LRP12: variants seen among roughly 807,000 people sequenced by gnomAD.
The protein encoded by LRP12 is LDL receptor related protein 12, also known as low-density lipoprotein receptor-related protein 12.
Under a neutral mutation model 66.0 loss-of-function variants are expected in LRP12, and 14 were observed. That is an observed-to-expected ratio of 0.21 (90% CI 0.14 to 0.33). The LOEUF (loss-of-function observed/expected upper bound fraction) is 0.33. Ranked by LOEUF, LRP12 falls within the 10% of genes least tolerant of loss-of-function variation. The pLI is 1.00. For missense variants in LRP12, 889 were observed against 1,053.4 expected, an observed-to-expected ratio of 0.84 and a Z score of 2.16; for synonymous variants, 357 against 359.1, an observed-to-expected ratio of 0.99 and a Z score of 0.07.
chr8:104,527,782 T>A (rs933295274), intron 2 of LRP12, among the ~76,000 whole-genome samples: 8 of 152,042 alleles, frequency 5.3e-5, no homozygotes, highest in African/African-American at 9.7e-5. Flanking sequence ...TGTATACATA[T>A]GTAACTAACC....
intron 2 of LRP12, among the ~76,000 whole-genome samples, chr8:104,516,959 G>A (rs1013873171): frequency 6.6e-6 from 1 of 151,852 alleles, no homozygotes; most frequent in Admixed American, 6.6e-5. Flanking sequence ...ATGACAAAAA[G>A]TAGTTGAGAC....
At chr8:104,560,005 A>G (rs1811879433) in intron 1 of LRP12, among the ~76,000 whole-genome samples, 1 of 152,218 alleles carries the variant, frequency 6.6e-6, no homozygotes, top group South Asian at 2.1e-4. Flanking sequence ...CAGATAAGTA[A>G]ATAACTTGCT....
intron 1 of LRP12, among the ~76,000 whole-genome samples, chr8:104,587,205 T>C (rs998234792): frequency 1.3e-5 from 2 of 152,206 alleles, no homozygotes; most frequent in Non-Finnish European, 2.9e-5. Flanking sequence ...ATGCTTATTA[T>C]AGTAGAGGAC....
chr8:104,573,598 A>C (rs2140895818), intron 1 of LRP12, among the ~76,000 whole-genome samples: 1 of 152,278 alleles, frequency 6.6e-6, no homozygotes. Flanking sequence ...GGCATTTATT[A>C]GTACAAAATT....
intron 1 of LRP12, among the ~76,000 whole-genome samples, chr8:104,576,663 G>A (rs1375037994): frequency 3.9e-5 from 6 of 152,152 alleles, no homozygotes; most frequent in Admixed American, 6.5e-5. Flanking sequence ...GCACACTGAA[G>A]TATACAGACC....
chr8:104,491,591 A>AT, intron 6 of LRP12, 52 bp from the exon 7 acceptor site: 1 of 690,596 alleles, frequency 1.4e-6, no homozygotes, highest in Non-Finnish European at 1.8e-6. Context: ...GTACTAAGAT[A>AT]AAAAAAAAAA....
chr8:104,568,858 G>C lies in LRP12; in HGVS notation c.79+19961C>G, dbSNP rs575395240. Among the ~76,000 whole-genome samples the C allele has an allele frequency of 4.6e-5, 7 of 152,240 alleles. No individual in the cohort carries two copies. In the South Asian group the frequency reaches 1.0e-3, roughly 23 times the overall value. Reference sequence around the variant, plus strand: ...TAAAATAGTGCTGCCCTTTGGAAAAGAGTTTGGAGTTCCTCAAAAAGGTAA... The same window carrying C: ...TAAAATAGTGCTGCCCTTTGGAAAACAGTTTGGAGTTCCTCAAAAAGGTAA... On this transcript the variant is annotated intron_variant, in intron 1 of 6. Coordinates refer to ENST00000276654, the MANE Select transcript of LRP12 (RefSeq NM_013437.5).
intron 2 of LRP12, among the ~76,000 whole-genome samples, chr8:104,528,503 G>T (rs1448004090): frequency 6.6e-6 from 1 of 152,172 alleles, no homozygotes; most frequent in East Asian, 1.9e-4. Flanking sequence ...GGCCGGGCAC[G>T]GTGGCTCATG....
At chr8:104,514,545 T>TAAAAAAAAAAAAAAAAAAAAAAAAA in intron 2 of LRP12, among the ~76,000 whole-genome samples, 1 of 128,754 alleles carries the variant, frequency 7.8e-6, no homozygotes, top group Admixed American at 8.0e-5. Context: ...CGTCTCTACT[T>TAAAAAAAAAAAAAAAAAAAAAAAAA]AAAAAAAAAA....
At chr8:104,525,191 T>C (rs952127227) in intron 2 of LRP12, among the ~76,000 whole-genome samples, 7 of 152,140 alleles carry the variant, frequency 4.6e-5, no homozygotes, top group Non-Finnish European at 4.4e-5. Flanking sequence ...CATTTGTCTT[T>C]TCTCCTTTCT....
intron 1 of LRP12, among the ~76,000 whole-genome samples, chr8:104,574,723 C>T (rs951043173): frequency 1.3e-5 from 2 of 152,158 alleles, no homozygotes; most frequent in Non-Finnish European, 2.9e-5. Flanking sequence ...TAATGTAGAG[C>T]TTCTCATTAA....
At chr8:104,558,482 A>C (rs1811849350) in intron 1 of LRP12, among the ~76,000 whole-genome samples, 1 of 152,228 alleles carries the variant, frequency 6.6e-6, no homozygotes, top group South Asian at 2.1e-4. Context: ...CTTAAATCTA[A>C]GACCTGAAAC....
chr8:104,498,135 AAG>A, intron 4 of LRP12, 59 bp from the exon 5 acceptor site: 1 of 1,442,388 alleles, frequency 6.9e-7, no homozygotes, highest in Non-Finnish European at 9.3e-7. Flanking sequence ...TAATCTTTAA[AAG>A]ACATAAAACA....
In LRP12 at chr8:104,491,487, G is replaced by A; in HGVS notation, c.1766C>T (p.Thr589Ile). ...RLAVRSQLGF[T>I]SVRLPMAGRS... The stretch of plus-strand genomic sequence containing the variant: ...GCCTGCCATAGGAAGCCTGACTGAA[G>A]TAAATCCAAGCTGAGATCGTACCGC... Residue 589 changes from threonine to isoleucine, a missense_variant, in exon 7 of 7, where the codon ACT becomes ATT. Around this residue, in one of 3 missense-constraint regions of LRP12, gnomAD observed 800 missense variants for 964.5 expected, o/e 0.83. Transcript: ENST00000276654. The A allele has an allele frequency of 6.2e-7, 1 of 1,613,014 alleles. No individual in the cohort carries two copies. Among genetic ancestry groups the A allele is most frequent in the Non-Finnish European group, 8.5e-7 (1 of 1,179,758 alleles).
intron 1 of LRP12, among the ~76,000 whole-genome samples, chr8:104,576,076 G>A (rs753508436): frequency 6.6e-6 from 1 of 152,088 alleles, no homozygotes; most frequent in Non-Finnish European, 1.5e-5. Flanking sequence ...ACAGAAAAAA[G>A]AATGAATAGG....
At chr8:104,530,197 G>C (rs943775963) in intron 2 of LRP12, among the ~76,000 whole-genome samples, 1 of 151,978 alleles carries the variant, frequency 6.6e-6, no homozygotes, top group Non-Finnish European at 1.5e-5. Context: ...TTCTAACATA[G>C]TAAATATTGG....
At chr8:104,577,810 C>CA (rs34298645) in intron 1 of LRP12, among the ~76,000 whole-genome samples, 79,519 of 110,936 alleles carry the variant, frequency 0.72, 27,733 homozygotes, top group African/African-American at 0.76. Context: ...GACTCCATCT[C>CA]AAAAAAAAAA....
At chr8:104,549,368 C>G (rs1411805859) in intron 1 of LRP12, among the ~76,000 whole-genome samples, 1 of 148,780 alleles carries the variant, frequency 6.7e-6, no homozygotes, top group East Asian at 2.0e-4. Context: ...TTAGAAAACA[C>G]TTTATCCTAA....
intron 1 of LRP12, among the ~76,000 whole-genome samples, chr8:104,583,071 C>G (rs995638853): frequency 2.0e-5 from 3 of 152,108 alleles, no homozygotes; most frequent in African/African-American, 7.2e-5. Flanking sequence ...TACCTTGGTC[C>G]AAGCTCCTGT....
Sources: gnomAD v4.1 joint callset for allele counts (sites outside exome capture counted in the v4.1 genomes callset) on GRCh38, gnomAD v4.1.1 for gene constraint, gnomAD v4.1.1 regional missense constraint, MANE v1.5 for transcripts, NCBI Gene and HGNC (gene_info 2026-07-23, HGNC 2026-07-21) for gene names.